Variants in DAB1 observed in about 807,000 individuals in gnomAD.
DAB1 encodes DAB adaptor protein 1, also known as disabled homolog 1.
A neutral mutation model predicts 64.6 loss-of-function variants in DAB1; 15 were observed. The ratio of observed to expected loss-of-function variants is 0.23; its 90% CI spans 0.16 to 0.36. The LOEUF (loss-of-function observed/expected upper bound fraction) is 0.36, where lower values mean the gene tolerates loss of function less well. DAB1 is among the 10% of genes least tolerant of loss of function. The probability of loss-of-function intolerance (pLI) is 1.00; values close to 1 mark genes in which losing one functional copy is unlikely to be tolerated. For missense variants in DAB1, 596 were observed against 706.7 expected (o/e 0.84, Z 1.78); for synonymous variants, 235 against 251.9 (o/e 0.93, Z 0.64).
intron 1 of DAB1, among the ~76,000 whole-genome samples, chr1:58,543,895 T>C (rs888159782): frequency 6.6e-6 from 1 of 152,218 alleles, no homozygotes; most frequent in African/African-American, 2.4e-5. Context: ...CCCCTACATG[T>C]GGCTACTGAG....
intron 3 of DAB1, among the ~76,000 whole-genome samples, chr1:58,411,731 TTCCTTTTC>T (rs1316723413): frequency 4.6e-5 from 7 of 152,220 alleles, no homozygotes; most frequent in African/African-American, 1.7e-4. Flanking sequence ...ACCTAGCCAC[TTCCTTTTC>T]AGAGAGCTCC....
intron 1 of DAB1, among the ~76,000 whole-genome samples, chr1:57,835,328 A>G (rs923781724): frequency 2.0e-5 from 3 of 152,218 alleles, no homozygotes; most frequent in African/African-American, 4.8e-5. Flanking sequence ...GTCAACTTTC[A>G]TAGCCACTCT....
chr1:58,074,448 A>G (rs12143025), intron 5 of DAB1: 1 of 140,666 alleles, frequency 7.1e-6, no homozygotes, highest in Non-Finnish European at 1.5e-5. Flanking sequence ...GATTTCTACT[A>G]GTTGGTAAAA....
Position 58,443,125 on chromosome 1 carries a change from C to T in DAB1, n.257+62935G>A, listed in dbSNP as rs185304698. On this transcript the variant is annotated intron_variant and non_coding_transcript_variant, in intron 3 of 20. Transcript: ENST00000485760. ...TAGGTGCATCCAGCCCCTGCCACTT[C>T]CTGTTCCTCCTTAGTGACAAACGGT... Among the ~76,000 whole-genome samples the T allele has an allele frequency of 3.5e-3, 536 of 152,332 alleles. 1 individual carries two copies. The highest frequency in any genetic ancestry group is 6.8e-3 in the African/African-American group (283 of 41,574).
intron 3 of DAB1, chr1:58,415,301 GC>G (rs1272004425): frequency 5.6e-6 from 1 of 177,424 alleles, no homozygotes; most frequent in African/African-American, 2.4e-5. Flanking sequence ...AATAAATTTG[GC>G]TTTAAGCCAC....
intron 5 of DAB1, among the ~76,000 whole-genome samples, chr1:58,021,828 A>C (rs1217949930): frequency 6.6e-6 from 1 of 152,230 alleles, no homozygotes; most frequent in African/African-American, 2.4e-5. Context: ...GATCTGGATC[A>C]ATCCCAAGTG....
chr1:58,119,141 G>T (rs1260882787), intron 5 of DAB1, among the ~76,000 whole-genome samples: 2 of 152,038 alleles, frequency 1.3e-5, no homozygotes, highest in Non-Finnish European at 2.9e-5. Flanking sequence ...ATAGTAGCAA[G>T]CATTGAACAA....
intron 6 of DAB1, among the ~76,000 whole-genome samples, chr1:57,776,738 T>C (rs542564498): frequency 1.3e-5 from 2 of 152,002 alleles, no homozygotes; most frequent in East Asian, 3.9e-4. Context: ...TATATTTCCA[T>C]TTCCCCCTTC....
At chr1:57,270,900 C>T (rs1194729149) in intron 2 of DAB1, among the ~76,000 whole-genome samples, 1 of 152,196 alleles carries the variant, frequency 6.6e-6, no homozygotes, top group Non-Finnish European at 1.5e-5. Context: ...GAGCCACCCC[C>T]ACAACCCAGA....
At chr1:57,720,969 A>T (rs10889069) in intron 6 of DAB1, among the ~76,000 whole-genome samples, 34,766 of 152,136 alleles carry the variant, frequency 0.23, 4,141 homozygotes, top group East Asian at 0.4. Context: ...CATCTCCCTT[A>T]AAGGGAGAGA....
At position 58,225,422 on chromosome 1, in the gene DAB1, GAACTA is replaced by G. The variant is rs1659413618; in HGVS notation, n.310-74839_310-74835del. 2.6e-5 allele frequency among the ~76,000 whole-genome samples: 4 copies of G among 151,882 alleles called. No individual in the cohort carries two copies. In the East Asian group the frequency reaches 7.8e-4, roughly 30 times the overall value. The stretch of plus-strand genomic sequence containing the variant: ...AGTGTGGCGATTCCTCAGGGATCTA[GAACTA>G]GAAATACCATTTGACCCAGCCATCC... On this transcript the variant is annotated intron_variant and non_coding_transcript_variant, in intron 4 of 20. Transcript: ENST00000485760.
chr1:57,444,863 T>C (rs1032216206), intron 7 of DAB1, among the ~76,000 whole-genome samples: 13 of 152,316 alleles, frequency 8.5e-5, no homozygotes, highest in African/African-American at 2.9e-4. Flanking sequence ...TAGATTTAAG[T>C]CACCGTGTTT....
intron 5 of DAB1, among the ~76,000 whole-genome samples, chr1:57,936,691 TA>T (rs1645030206): frequency 6.6e-6 from 1 of 151,712 alleles, no homozygotes; most frequent in South Asian, 2.1e-4. Flanking sequence ...TATTTTTATT[TA>T]TTTATTTTTT....
chr1:57,650,381 C>A (rs2101654064), intron 6 of DAB1, among the ~76,000 whole-genome samples: 1 of 151,972 alleles, frequency 6.6e-6, no homozygotes, highest in Middle Eastern at 3.4e-3. Context: ...CTTGAGGAAA[C>A]AATTATGAAT....
chr1:57,298,606 T>C (rs746448407), intron 1 of DAB1, among the ~76,000 whole-genome samples: 6 of 152,068 alleles, frequency 3.9e-5, no homozygotes, highest in African/African-American at 1.4e-4. Flanking sequence ...ATCTTCACGA[T>C]GTGGCATTGT....
intron 3 of DAB1, among the ~76,000 whole-genome samples, chr1:58,486,077 G>A (rs1224119344): frequency 2.6e-5 from 4 of 152,182 alleles, no homozygotes; most frequent in Non-Finnish European, 4.4e-5. Flanking sequence ...CTTTCACTGC[G>A]TGAGGTATTT....
Position 57,316,794 on chromosome 1 carries a change from A to T in DAB1, c.-136-25628T>A, listed in dbSNP as rs143669343. 2.6e-5 allele frequency among the ~76,000 whole-genome samples: 4 copies of T among 152,252 alleles called. No homozygotes were observed. In the South Asian group the frequency reaches 8.3e-4, roughly 32 times the overall value. On this transcript the variant is annotated intron_variant, in intron 1 of 14. Coordinates refer to ENST00000371236, the MANE Select transcript of DAB1 (RefSeq NM_001365792.1). ...CAAACCAACAGTGACGGCAACCTAC[A>T]TAAGGGCATAGACATTCAGATTCTG...
chr1:58,358,758 C>A (rs1018646182), intron 3 of DAB1, among the ~76,000 whole-genome samples: 7 of 152,026 alleles, frequency 4.6e-5, no homozygotes, highest in African/African-American at 1.7e-4. Flanking sequence ...TCCTAAGATC[C>A]CCTTTGGATA....
At chr1:57,343,362 C>T (rs1677799556) in intron 1 of DAB1, among the ~76,000 whole-genome samples, 1 of 152,234 alleles carries the variant, frequency 6.6e-6, no homozygotes, top group Non-Finnish European at 1.5e-5. Flanking sequence ...AAGTTCCCAC[C>T]AGACTCAGGA....
Sources: gnomAD v4.1 joint callset for allele counts (sites outside exome capture counted in the v4.1 genomes callset) on GRCh38, gnomAD v4.1.1 for gene constraint, MANE v1.5 for transcripts, NCBI Gene and HGNC (gene_info 2026-07-23, HGNC 2026-07-21) for gene names.